Variants in NCAM1 observed in about 807,000 individuals in gnomAD.
NCAM1 encodes neural cell adhesion molecule 1.
NCAM1 carries 14 observed loss-of-function variants against 109.8 expected under a neutral mutation model. The observed-to-expected ratio is 0.13, with a 90% CI of 0.08 to 0.20. The LOEUF is 0.20. Among genes scored for constraint, NCAM1 ranks in the 10% least tolerant of loss-of-function variants. The pLI is 1.00. For synonymous variants in NCAM1, 418 were observed against 442.9 expected, an observed-to-expected ratio of 0.94 and a Z score of 0.70; for missense variants, 774 against 1,109.9, an observed-to-expected ratio of 0.70 and a Z score of 4.30.
intron 1 of NCAM1, among the ~76,000 whole-genome samples, chr11:113,153,786 T>C (rs1942320169): frequency 5.3e-5 from 8 of 152,130 alleles, no homozygotes; most frequent in Admixed American, 5.2e-4. Context: ...AGCTCACAGG[T>C]TTGATCATTG....
At chr11:113,100,106 A>G (rs1470707822) in intron 1 of NCAM1, among the ~76,000 whole-genome samples, 5 of 152,200 alleles carry the variant, frequency 3.3e-5, no homozygotes, top group Admixed American at 6.5e-5. Flanking sequence ...ACTTGGTAGA[A>G]GACACCAGTA....
chr11:113,162,444 C>T (rs933022768), intron 1 of NCAM1, among the ~76,000 whole-genome samples: 1 of 152,146 alleles, frequency 6.6e-6, no homozygotes, highest in Non-Finnish European at 1.5e-5. Flanking sequence ...GACCAAGGCG[C>T]CTGCTGTTAT....
At chr11:113,031,971 C>A (rs537331305) in intron 1 of NCAM1, among the ~76,000 whole-genome samples, 3 of 152,250 alleles carry the variant, frequency 2.0e-5, no homozygotes, top group South Asian at 4.2e-4. Context: ...TTGGAGGGGT[C>A]TCACTCTGTT....
intron 1 of NCAM1, among the ~76,000 whole-genome samples, chr11:113,161,447 G>A (rs1435687187): frequency 1.3e-5 from 2 of 152,096 alleles, no homozygotes; most frequent in African/African-American, 4.8e-5. Flanking sequence ...CTGCTGGAGT[G>A]TATTCTTCCT....
chr11:112,974,354 C>T (rs1034260840), intron 1 of NCAM1, among the ~76,000 whole-genome samples: 2 of 151,972 alleles, frequency 1.3e-5, no homozygotes, highest in Non-Finnish European at 2.9e-5. Flanking sequence ...TTTAACTCCT[C>T]AAATTCTAAT....
In NCAM1 at chr11:113,019,698, G is replaced by A. The variant is rs550772247; in HGVS notation, c.52+58034G>A. Among the ~76,000 whole-genome samples, 9 of 152,258 alleles carry A rather than the reference G, an allele frequency of 5.9e-5. No homozygotes were observed. In the East Asian group the frequency reaches 7.7e-4, roughly 13 times the overall value. The stretch of plus-strand genomic sequence containing the variant: ...ACATCACCTGAGTTCTAGGTCCCAC[G>A]TATTCCATTGCTTCTTAGATATATT... On this transcript the variant is annotated intron_variant, in intron 1 of 19. Coordinates refer to ENST00000316851, the MANE Select transcript of NCAM1 (RefSeq NM_181351.5).
chr11:113,220,935 T>C (rs1555115172), intron 8 of NCAM1, among the ~76,000 whole-genome samples: 6 of 152,118 alleles, frequency 3.9e-5, no homozygotes. Context: ...CTTAAGTGTC[T>C]CTAGATAATG....
rs1198212034 is a variant in NCAM1 at position 112,963,712 on chromosome 11, A to G, written c.52+2048A>G. On this transcript the variant is annotated intron_variant, in intron 1 of 19. Coordinates refer to ENST00000316851, the MANE Select transcript of NCAM1 (RefSeq NM_181351.5). The surrounding 1 kb of genome is among the most constrained non-coding windows in gnomAD (Gnocchi z 4.6). ...CCCCCGGGTGGGAGCGTGACAATGG[A>G]GCCCGGATATTTGGTGGGCCTTTTG... Among the ~76,000 whole-genome samples, 2 of 152,234 alleles carry G rather than the reference A, an allele frequency of 1.3e-5. No individual in the cohort carries two copies. The highest frequency in any genetic ancestry group is 6.5e-5 in the Admixed American group (1 of 15,304).
chr11:113,224,425 A>G (rs1944777188), intron 9 of NCAM1, among the ~76,000 whole-genome samples: 1 of 152,230 alleles, frequency 6.6e-6, no homozygotes, highest in South Asian at 2.1e-4. Context: ...AGGTAAACAA[A>G]GCAGCCAGGA....
At position 113,273,311 on chromosome 11, in the gene NCAM1, C is replaced by T. The variant is rs573112560; in HGVS notation, c.2456+1435C>T. Reference sequence around the variant, plus strand: ...TCAGCCCAAGCGCCCCTGCTGGTGTCGGGGAGGCCTCTAAGGCTCCTCCGG... The same window carrying T: ...TCAGCCCAAGCGCCCCTGCTGGTGTTGGGGAGGCCTCTAAGGCTCCTCCGG... On this transcript the variant is annotated intron_variant, in intron 19 of 19. Transcript: ENST00000316851. This position sits in a 1 kb window ranked among gnomAD's most constrained non-coding sequence, Gnocchi z 6.0. 59 of 346,340 alleles carry T rather than the reference C, an allele frequency of 1.7e-4. No homozygotes were observed. Among genetic ancestry groups the T allele is most frequent in the African/African-American group, 1.1e-3 (53 of 46,570 alleles). The allele number at this position is 346,340 out of a possible 1,614,324, so 21.5% of individuals were successfully genotyped here.
chr11:113,237,034 C>T (rs1945187680), intron 14 of NCAM1, among the ~76,000 whole-genome samples: 1 of 152,152 alleles, frequency 6.6e-6, no homozygotes, highest in Non-Finnish European at 1.5e-5. Context: ...GAAGACTAAC[C>T]AGCTAATGTA....
chr11:113,136,433 G>A (rs548487893), intron 1 of NCAM1, among the ~76,000 whole-genome samples: 5 of 152,180 alleles, frequency 3.3e-5, no homozygotes, highest in African/African-American at 7.2e-5. Context: ...GCTCTCCTTC[G>A]CATGGTGCAG....
chr11:113,259,533 T>C (rs1448588428), intron 16 of NCAM1, among the ~76,000 whole-genome samples: 3 of 151,862 alleles, frequency 2.0e-5, no homozygotes, highest in Non-Finnish European at 4.4e-5. Flanking sequence ...GAGACAGGAG[T>C]GGTGCTTGAG....
intron 2 of NCAM1, among the ~76,000 whole-genome samples, chr11:113,203,758 T>C (rs1944146713): frequency 1.3e-5 from 2 of 152,142 alleles, no homozygotes; most frequent in African/African-American, 4.8e-5. Context: ...CTAGAATAAA[T>C]GTGGCTGGAA....
At position 113,276,297 on chromosome 11, in the gene NCAM1, A is replaced by G. The variant is rs1286478832; in HGVS notation, c.*910A>G. On this transcript the variant is annotated 3_prime_UTR_variant, in exon 20 of 20. Transcript: ENST00000316851. ...GCTCTTCCCCTCTTTTCTGATCTGC[A>G]GTTTTTGCCTGGGTCCCACTCAGGT... is the stretch of plus-strand genomic sequence containing the variant. 6.6e-6 allele frequency: 1 copy of G among 152,542 alleles called. No individual in the cohort carries two copies. The highest frequency in any genetic ancestry group is 1.5e-5 in the Non-Finnish European group (1 of 68,036). The allele number at this position is 152,542 out of a possible 1,614,324, so 9.4% of individuals were successfully genotyped here. A position where few individuals can be genotyped will look rare whatever the true frequency, so the allele number is the denominator to read the frequency against.
chr11:112,980,459 G>T (rs1297753292), intron 1 of NCAM1, among the ~76,000 whole-genome samples: 2 of 151,776 alleles, frequency 1.3e-5, no homozygotes, highest in Non-Finnish European at 2.9e-5. Flanking sequence ...AAAAAATGTG[G>T]TATATTTATA....
intron 1 of NCAM1, among the ~76,000 whole-genome samples, chr11:113,165,596 C>T (rs1157862923): frequency 6.6e-6 from 1 of 152,118 alleles, no homozygotes; most frequent in African/African-American, 2.4e-5. Flanking sequence ...CCCCCACCCC[C>T]GATGGGACCA....
chr11:113,055,149 G>A (rs901696638), intron 1 of NCAM1, among the ~76,000 whole-genome samples: 1 of 152,164 alleles, frequency 6.6e-6, no homozygotes. Flanking sequence ...TGCTTTCTCT[G>A]AGGAAAATTT....
chr11:113,185,079 T>TATATAGAG, intron 1 of NCAM1, among the ~76,000 whole-genome samples: 3 of 125,748 alleles, frequency 2.4e-5, no homozygotes, highest in African/African-American at 6.3e-5. Context: ...TATATATATA[T>TATATAGAG]AGAGAGAGAG....
Sources: allele counts gnomAD v4.1 joint callset (sites outside exome capture counted in the v4.1 genomes callset), GRCh38; gene constraint gnomAD v4.1.1; non-coding constraint Gnocchi (gnomAD v3.1); transcripts MANE v1.5; gene names NCBI Gene and HGNC (gene_info 2026-07-23, HGNC 2026-07-21).